The following TMEFF2 variants were observed in gnomAD, a reference collection of about 807,000 sequenced individuals.
TMEFF2 encodes the protein transmembrane protein with EGF like and two follistatin like domains 2, also known as tomoregulin-2.
Under a neutral mutation model 53.8 loss-of-function variants are expected in TMEFF2, and 28 were observed. The ratio of observed to expected loss-of-function variants is 0.52; its 90% confidence interval spans 0.39 to 0.71. The LOEUF is 0.71. TMEFF2 is among the 30% of genes least tolerant of loss of function. TMEFF2 has a pLI of 0.00. For synonymous variants in TMEFF2, 162 were observed against 166.3 expected (o/e 0.97, Z 0.20); for missense variants, 353 against 455.2 (o/e 0.78, Z 2.04).
Position 192,078,602 on chromosome 2 carries a change from C to T in TMEFF2, c.440-20827G>A, listed in dbSNP as rs1342589931. On this transcript the variant is annotated intron_variant, in intron 4 of 9. Transcript: ENST00000272771. ...TCCTTGCTGATTCTCCATATTACAG[C>T]TTATTTGTGGGGAATTCAGGCAAAG... Among the ~76,000 whole-genome samples, 3 of 152,268 alleles carry T rather than the reference C, an allele frequency of 2.0e-5. No individual in the cohort carries two copies. The East Asian group carries it at 5.8e-4, about 29-fold the overall frequency.
At chr2:191,972,886 G>A (rs1192733597) in intron 7 of TMEFF2, among the ~76,000 whole-genome samples, 4 of 152,152 alleles carry the variant, frequency 2.6e-5, no homozygotes, top group African/African-American at 4.8e-5. Context: ...ATTTGGGTAT[G>A]TCTACAGTAG....
At chr2:192,108,011 A>G (rs1181167728) in intron 4 of TMEFF2, among the ~76,000 whole-genome samples, 1 of 151,786 alleles carries the variant, frequency 6.6e-6, no homozygotes, top group Non-Finnish European at 1.5e-5. Context: ...ATGTGTTATA[A>G]ACTAAATTTC....
intron 4 of TMEFF2, among the ~76,000 whole-genome samples, chr2:192,111,051 T>C (rs1247859872): frequency 6.6e-6 from 1 of 152,170 alleles, no homozygotes; most frequent in African/African-American, 2.4e-5. Context: ...TCTCTTTTCC[T>C]TTATAAATTA....
chr2:192,179,674 C>T lies in TMEFF2; in HGVS notation c.433G>A (p.Asp145Asn). 1 of 1,541,376 alleles carries T rather than the reference C, an allele frequency of 6.5e-7. No individual in the cohort carries two copies. Among genetic ancestry groups the T allele is most frequent in the Non-Finnish European group, 8.7e-7 (1 of 1,149,634 alleles). Residue 145 changes from aspartate to asparagine, a missense_variant, in exon 4 of 10, where the codon GAT (aspartate) becomes AAT (asparagine). This residue lies in a region of TMEFF2 where 294 missense variants were observed against 397.3 expected (regional missense o/e 0.74). Coordinates refer to ENST00000272771, the MANE Select transcript of TMEFF2 (RefSeq NM_016192.4). ...CATDAGSGSG[D>N]GVHEGSGETS... ...GTAAAAAGGCAACTCCTACCTCCAT[C>T]TCCAGATCCTGATCCTGCATCTGTG...
intron 4 of TMEFF2, among the ~76,000 whole-genome samples, chr2:192,075,328 T>TAA (rs1460685761): frequency 2.2e-5 from 2 of 90,778 alleles, no homozygotes; most frequent in Non-Finnish European, 2.3e-5. Flanking sequence ...TATATATATA[T>TAA]ATATACATAC....
chr2:192,055,416 A>T (rs894045725), intron 5 of TMEFF2, among the ~76,000 whole-genome samples: 1 of 152,178 alleles, frequency 6.6e-6, no homozygotes, highest in African/African-American at 2.4e-5. Context: ...ACTTCTGGCA[A>T]TCTCTCAGTT....
At chr2:192,166,310 T>C (rs534367456) in intron 4 of TMEFF2, among the ~76,000 whole-genome samples, 1 of 152,300 alleles carries the variant, frequency 6.6e-6, no homozygotes, top group East Asian at 1.9e-4. Flanking sequence ...GGAATGCCTA[T>C]GTTGCCATAC....
intron 5 of TMEFF2, among the ~76,000 whole-genome samples, chr2:192,056,829 C>T (rs913988805): frequency 1.3e-5 from 2 of 152,078 alleles, no homozygotes; most frequent in Admixed American, 1.3e-4. Context: ...CACAGACCTC[C>T]CTTGCCCTTT....
intron 4 of TMEFF2, among the ~76,000 whole-genome samples, chr2:192,108,643 T>C (rs1407198503): frequency 6.6e-6 from 1 of 151,952 alleles, no homozygotes; most frequent in African/African-American, 2.4e-5. Flanking sequence ...AGTTTGATGG[T>C]TCCTCAAAAA....
At chr2:192,077,095 A>G (rs1421927368) in intron 4 of TMEFF2, among the ~76,000 whole-genome samples, 1 of 152,198 alleles carries the variant, frequency 6.6e-6, no homozygotes, top group African/African-American at 2.4e-5. Flanking sequence ...ACAGATAGAT[A>G]TATGCAAGTA....
In TMEFF2 at chr2:192,194,590, C is replaced by A. The variant is rs1691560203; in HGVS notation, c.-66G>T. On this transcript the variant is annotated 5_prime_UTR_variant, in exon 1 of 10. Coordinates refer to ENST00000272771, the MANE Select transcript of TMEFF2 (RefSeq NM_016192.4). The surrounding 1 kb of genome is among the most constrained non-coding windows in gnomAD (Gnocchi z 4.2). ...GGAACACAGGATCGCGGGGGCCGGG[C>A]AGCGGGCTACTGAGCATCCCGCGGA... 6.4e-7 allele frequency: 1 copy of A among 1,561,072 alleles called. No individual in the cohort carries two copies. Among genetic ancestry groups the A allele is most frequent in the Non-Finnish European group, 8.7e-7 (1 of 1,145,168 alleles).
intron 4 of TMEFF2, among the ~76,000 whole-genome samples, chr2:192,075,332 T>TATATATATATGTAC (rs796267672): frequency 1.1e-5 from 1 of 88,148 alleles, no homozygotes; most frequent in African/African-American, 4.1e-5. Flanking sequence ...TATATATATA[T>TATATATATATGTAC]ACATACATAC....
At chr2:192,074,908 A>G (rs1020439547) in intron 4 of TMEFF2, among the ~76,000 whole-genome samples, 1 of 151,908 alleles carries the variant, frequency 6.6e-6, no homozygotes, top group African/African-American at 2.4e-5. Context: ...TGGAGAGAAT[A>G]TCTTACTATG....
intron 5 of TMEFF2, among the ~76,000 whole-genome samples, chr2:192,049,210 TATAAG>T (rs1286838370): frequency 4.6e-5 from 7 of 151,920 alleles, no homozygotes; most frequent in African/African-American, 1.7e-4. Context: ...ACACATAATT[TATAAG>T]AGAAGACCCT....
At chr2:192,157,370 C>T (rs569598956) in intron 4 of TMEFF2, among the ~76,000 whole-genome samples, 9 of 151,756 alleles carry the variant, frequency 5.9e-5, no homozygotes, top group South Asian at 2.1e-4. Flanking sequence ...AAGAGAAATG[C>T]GTATTACTTA....
At chr2:192,050,951 T>G (rs1466329822) in intron 5 of TMEFF2, among the ~76,000 whole-genome samples, 1 of 152,106 alleles carries the variant, frequency 6.6e-6, no homozygotes, top group Non-Finnish European at 1.5e-5. Flanking sequence ...GAGCTGTATG[T>G]GCACTCCCCA....
At chr2:191,964,372 C>CTTTCTCTT (rs1324161895) in intron 7 of TMEFF2, among the ~76,000 whole-genome samples, 1 of 77,608 alleles carries the variant, frequency 1.3e-5, no homozygotes, top group African/African-American at 5.4e-5. Flanking sequence ...TTCTTTCTTT[C>CTTTCTCTT]TCTTTCTTTC....
intron 5 of TMEFF2, among the ~76,000 whole-genome samples, chr2:192,054,128 TCAGGCTTATTCTG>T (rs1024045413): frequency 5.9e-5 from 9 of 151,788 alleles, no homozygotes; most frequent in Non-Finnish European, 5.9e-5. Flanking sequence ...ATCTGGAGGT[TCAGGCTTATTCTG>T]CATCTTGGAG....
rs1407904670 is a variant in TMEFF2, at chr2:191,950,003, T to A, written c.*308A>T. ...ATTTACAGTTATGAGATACCGCAAA[T>A]TTAAGAATGCCAATTTTTTCTCATC... On this transcript the variant is annotated 3_prime_UTR_variant, in exon 10 of 10. Transcript: ENST00000272771. The A allele has an allele frequency of 1.1e-5, 12 of 1,111,884 alleles. No individual in the cohort carries two copies. The highest frequency in any genetic ancestry group is 1.1e-5 in the Non-Finnish European group (10 of 906,384). 68.9% of individuals were successfully genotyped at this position (1,111,884 alleles called of 1,614,324 possible). A position where few individuals can be genotyped will look rare whatever the true frequency, so the allele number is the denominator to read the frequency against.
Sources: gnomAD v4.1 joint callset for allele counts (sites outside exome capture counted in the v4.1 genomes callset) on GRCh38, gnomAD v4.1.1 for gene constraint, gnomAD v4.1.1 regional missense constraint, Gnocchi (gnomAD v3.1) non-coding constraint, MANE v1.5 for transcripts, NCBI Gene and HGNC (gene_info 2026-07-23, HGNC 2026-07-21) for gene names.